The following FOXN3 variants were observed in gnomAD, a reference collection of about 807,000 sequenced individuals.
FOXN3 encodes the protein forkhead box protein N3.
Under a neutral mutation model 38.4 loss-of-function variants are expected in FOXN3, and 7 were observed. That is an observed-to-expected ratio of 0.18 (90% CI 0.10 to 0.34). FOXN3 has a LOEUF of 0.34. Among genes scored for constraint, FOXN3 ranks in the 10% least tolerant of loss-of-function variants. The pLI is 1.00. For missense variants in FOXN3, 456 were observed against 613.4 expected, an observed-to-expected ratio of 0.74 and a Z score of 2.71; for synonymous variants, 230 against 242.2, an observed-to-expected ratio of 0.95 and a Z score of 0.47.
At chr14:89,168,576 A>G (rs1264588687) in intron 5 of FOXN3, among the ~76,000 whole-genome samples, 2 of 152,266 alleles carry the variant, frequency 1.3e-5, no homozygotes, top group Non-Finnish European at 2.9e-5. Context: ...AAAATGCAGC[A>G]GAAAGACACA....
chr14:89,580,455 A>G (rs957473175), intron 1 of FOXN3, among the ~76,000 whole-genome samples: 1 of 152,216 alleles, frequency 6.6e-6, no homozygotes, highest in Non-Finnish European at 1.5e-5. Context: ...GTTAAGGACC[A>G]CATAACAGTG....
At chr14:89,308,649 G>A (rs770511372) in intron 3 of FOXN3, among the ~76,000 whole-genome samples, 1 of 152,208 alleles carries the variant, frequency 6.6e-6, no homozygotes, top group Non-Finnish European at 1.5e-5. Flanking sequence ...CAAAACATAG[G>A]AGTTCAAGTA....
intron 1 of FOXN3, among the ~76,000 whole-genome samples, chr14:89,603,049 T>G (rs1896185347): frequency 6.6e-6 from 1 of 151,966 alleles, no homozygotes; most frequent in Admixed American, 6.6e-5. Flanking sequence ...GGCAAACACC[T>G]AGACCACCTT....
chr14:89,318,160 C>CTTTT (rs200125351), intron 3 of FOXN3, among the ~76,000 whole-genome samples: 1 of 65,146 alleles, frequency 1.5e-5, no homozygotes, highest in African/African-American at 7.5e-5. Context: ...TCTTCTTCTT[C>CTTTT]TCTTTTTTTT....
At chr14:89,261,142 G>T (rs1596138508) in intron 4 of FOXN3, among the ~76,000 whole-genome samples, 2 of 152,228 alleles carry the variant, frequency 1.3e-5, no homozygotes, top group South Asian at 2.1e-4. Flanking sequence ...GTCCAGGCAG[G>T]CCTGGCTGGG....
At chr14:89,563,585 T>C (rs571920717) in intron 1 of FOXN3, among the ~76,000 whole-genome samples, 2 of 151,958 alleles carry the variant, frequency 1.3e-5, no homozygotes, top group African/African-American at 4.8e-5. Context: ...CAAAGAAGGG[T>C]GATGCATGCG....
At chr14:89,430,314 C>T (rs1466761880) in intron 1 of FOXN3, among the ~76,000 whole-genome samples, 1 of 152,188 alleles carries the variant, frequency 6.6e-6, no homozygotes, top group Admixed American at 6.5e-5. Flanking sequence ...CATACAGAAC[C>T]TGCTTCCAGT....
chr14:89,254,605 G>C (rs1430913722), intron 4 of FOXN3, among the ~76,000 whole-genome samples: 2 of 152,104 alleles, frequency 1.3e-5, no homozygotes, highest in Non-Finnish European at 2.9e-5. Flanking sequence ...TTAAGTAGTG[G>C]CAATGAATTC....
At chr14:89,195,834 CATCAGTACCTAATTCAGCA>C (rs543921172) in intron 4 of FOXN3, among the ~76,000 whole-genome samples, 111 of 152,252 alleles carry the variant, frequency 7.3e-4, no homozygotes, top group African/African-American at 2.6e-3. Context: ...AGGGTCCTCC[CATCAGTACCTAATTCAGCA>C]ATCAGTACCT....
rs536016866 is a variant in FOXN3 at position 89,158,701 on chromosome 14, A to T, written c.*3713T>A. ...AAAAGACAATTATAATAGGATAAAA[A>T]TAACTGTTTATATGTATATCATTTA... On this transcript the variant is annotated 3_prime_UTR_variant, in exon 6 of 6. Transcript: ENST00000557258. 2 of 152,764 alleles carry T rather than the reference A, an allele frequency of 1.3e-5. No individual in the cohort carries two copies. Among genetic ancestry groups the T allele is most frequent in the East Asian group, 3.9e-4 (2 of 5,192 alleles). The allele number at this position is 152,764 out of a possible 1,614,324, so 9.5% of individuals were successfully genotyped here.
chr14:89,488,538 A>G (rs552980010), intron 1 of FOXN3, among the ~76,000 whole-genome samples: 34 of 151,840 alleles, frequency 2.2e-4, no homozygotes, highest in Non-Finnish European at 4.1e-4. Context: ...CTGTAGTCCC[A>G]GCCACCTAGG....
rs116976468 is a variant in FOXN3, at chr14:89,227,653, G to C, written c.746-46847C>G. ...TCTCTCTCCCCTTGAATGCAGATGG[G>C]ACTTGTAACTGCCTTCTGGTAATAA... On this transcript the variant is annotated intron_variant, in intron 4 of 5. Transcript: ENST00000557258. Among the ~76,000 whole-genome samples the C allele has an allele frequency of 7.3e-3, 1,106 of 152,256 alleles. 13 individuals are homozygous for C. The highest frequency in any genetic ancestry group is 0.048 in the East Asian group (248 of 5,172).
At chr14:89,477,010 C>CA (rs5810466) in intron 1 of FOXN3, among the ~76,000 whole-genome samples, 63,551 of 151,860 alleles carry the variant, frequency 0.42, 13,545 homozygotes, top group Middle Eastern at 0.54. Flanking sequence ...AATAAAATTT[C>CA]AAAAATAGTT....
intron 3 of FOXN3, among the ~76,000 whole-genome samples, chr14:89,335,485 C>T (rs1888423083): frequency 6.6e-6 from 1 of 152,196 alleles, no homozygotes; most frequent in Non-Finnish European, 1.5e-5. Flanking sequence ...TAAGTCTTGC[C>T]TCAGCAAATA....
intron 3 of FOXN3, among the ~76,000 whole-genome samples, chr14:89,330,478 C>G (rs918310938): frequency 6.6e-6 from 1 of 152,194 alleles, no homozygotes; most frequent in African/African-American, 2.4e-5. Context: ...ATGGAGCCAG[C>G]GTGAATCACT....
At chr14:89,575,630 C>A (rs74824840) in intron 1 of FOXN3, among the ~76,000 whole-genome samples, 1 of 152,146 alleles carries the variant, frequency 6.6e-6, no homozygotes, top group Non-Finnish European at 1.5e-5. Context: ...GGAGCTGCCA[C>A]GCTCGGGCCC....
intron 4 of FOXN3, among the ~76,000 whole-genome samples, chr14:89,186,409 C>T (rs1887809828): frequency 6.6e-6 from 1 of 152,060 alleles, no homozygotes; most frequent in African/African-American, 2.4e-5. Context: ...TAATGGAGAT[C>T]TGGCTTCTCC....
At chr14:89,343,965 T>C (rs531185368) in intron 3 of FOXN3, among the ~76,000 whole-genome samples, 50 of 152,320 alleles carry the variant, frequency 3.3e-4, no homozygotes, top group South Asian at 6.2e-4. Flanking sequence ...TTTCACCACG[T>C]TGGCCAGGCT....
chr14:89,605,725 T>G lies in FOXN3; in HGVS notation c.-15+13303A>C, dbSNP rs185894834. On this transcript the variant is annotated intron_variant, in intron 1 of 6. Coordinates refer to the FOXN3 transcript ENST00000345097. ...TATGTTTTTGTTAACATATTAGAAA[T>G]GAAAACTTCAAAAGTAATTAACTAA... Among the ~76,000 whole-genome samples the G allele has an allele frequency of 3.6e-4, 55 of 152,156 alleles. No homozygotes were observed. The East Asian group carries it at 9.6e-3, about 27-fold the overall frequency.
Sources: allele counts gnomAD v4.1 joint callset (sites outside exome capture counted in the v4.1 genomes callset), GRCh38; gene constraint gnomAD v4.1.1; transcripts MANE v1.5; gene names NCBI Gene and HGNC (gene_info 2026-07-23, HGNC 2026-07-21).